The following CTNNA3 variants were observed in gnomAD, a reference collection of about 807,000 sequenced individuals.
CTNNA3 encodes catenin alpha-3.
Under a neutral mutation model 95.7 loss-of-function variants are expected in CTNNA3, and 76 were observed. The ratio of observed to expected loss-of-function variants is 0.79; its 90% CI spans 0.66 to 0.96. The LOEUF is 0.96. Among genes scored for constraint, CTNNA3 ranks in the 40% least tolerant of loss-of-function variants. The probability of loss-of-function intolerance (pLI) is 0.00; values close to 1 mark genes in which losing one functional copy is unlikely to be tolerated. For synonymous variants in CTNNA3, 431 were observed against 374.4 expected (o/e 1.15, Z -1.74); for missense variants, 1,191 against 1,089.8 (o/e 1.09, Z -1.31).
chr10:67,155,441 CA>C (rs1335952631), intron 7 of CTNNA3, among the ~76,000 whole-genome samples: 2 of 151,876 alleles, frequency 1.3e-5, no homozygotes, highest in African/African-American at 4.8e-5. Flanking sequence ...GTTAAGTTAT[CA>C]TTAATAATTA....
intron 7 of CTNNA3, among the ~76,000 whole-genome samples, chr10:66,831,414 C>G (rs975272244): frequency 1.3e-5 from 2 of 152,152 alleles, no homozygotes; most frequent in African/African-American, 4.8e-5. Context: ...TACGCTTGCT[C>G]TCTGTCTAGA....
Position 66,169,231 on chromosome 10 carries a change from T to G in CTNNA3, c.1885-65982A>C, listed in dbSNP as rs541605788. ...GTCTATTGTATCATTCTTATGCCTTTGCATCCTCAGAGCTTAGGTCCCACT... is the reference window on the plus strand; with the variant it reads ...GTCTATTGTATCATTCTTATGCCTTGGCATCCTCAGAGCTTAGGTCCCACT... On this transcript the variant is annotated intron_variant, in intron 13 of 17. Transcript: ENST00000433211. 2.0e-3 allele frequency among the ~76,000 whole-genome samples: 310 copies of G among 152,268 alleles called. 1 individual carries two copies. The highest frequency in any genetic ancestry group is 7.0e-3 in the African/African-American group (289 of 41,572).
intron 13 of CTNNA3, among the ~76,000 whole-genome samples, chr10:66,229,658 C>T (rs1173082909): frequency 6.6e-6 from 1 of 152,024 alleles, no homozygotes; most frequent in Non-Finnish European, 1.5e-5. Flanking sequence ...TTAGATTCTC[C>T]CCTTGTCTTT....
At chr10:67,319,461 T>C (rs977373967) in intron 5 of CTNNA3, among the ~76,000 whole-genome samples, 6 of 152,142 alleles carry the variant, frequency 3.9e-5, no homozygotes, top group Non-Finnish European at 7.4e-5. Context: ...AGGTGCTTGA[T>C]TAATATTTAT....
intron 1 of CTNNA3, among the ~76,000 whole-genome samples, chr10:67,714,699 G>T (rs1841132543): frequency 6.6e-6 from 1 of 152,156 alleles, no homozygotes; most frequent in Non-Finnish European, 1.5e-5. Flanking sequence ...GGGGCCAGGG[G>T]TGAAATAATA....
chr10:66,725,289 C>A (rs751885946), intron 9 of CTNNA3, among the ~76,000 whole-genome samples: 29 of 151,886 alleles, frequency 1.9e-4, no homozygotes, highest in Non-Finnish European at 3.5e-4. Context: ...ATCTAAAAAT[C>A]TGGAGAAAGA....
At chr10:67,504,391 G>A (rs181014600) in intron 5 of CTNNA3, among the ~76,000 whole-genome samples, 7 of 106,954 alleles carry the variant, frequency 6.5e-5, no homozygotes, top group African/African-American at 2.6e-4. Context: ...CACTGAAATC[G>A]CACCACTGCA....
chr10:66,934,111 G>A (rs183010239), intron 7 of CTNNA3, among the ~76,000 whole-genome samples: 4 of 152,038 alleles, frequency 2.6e-5, no homozygotes, highest in African/African-American at 4.8e-5. Context: ...GACCAAGCAA[G>A]TACAATGTAT....
chr10:66,535,349 AGATAAAT>A (rs1397710148), intron 10 of CTNNA3, among the ~76,000 whole-genome samples: 1 of 152,182 alleles, frequency 6.6e-6, no homozygotes, highest in Admixed American at 6.5e-5. Context: ...GCCGTGTAAG[AGATAAAT>A]ACGGCTATGG....
chr10:67,305,737 C>T (rs183307639), intron 5 of CTNNA3, among the ~76,000 whole-genome samples: 5 of 152,172 alleles, frequency 3.3e-5, no homozygotes, highest in East Asian at 3.9e-4. Context: ...AGGGAAGTAG[C>T]TTCATTTGAG....
chr10:67,624,517 A>G (rs1843961606), intron 2 of CTNNA3, among the ~76,000 whole-genome samples: 1 of 152,166 alleles, frequency 6.6e-6, no homozygotes, highest in African/African-American at 2.4e-5. Flanking sequence ...TCATTCTCCT[A>G]CTATTCCCCT....
chr10:66,570,549 G>A (rs1028834980), intron 10 of CTNNA3, among the ~76,000 whole-genome samples: 1 of 151,844 alleles, frequency 6.6e-6, no homozygotes, highest in Non-Finnish European at 1.5e-5. Flanking sequence ...GGCCTCCCAA[G>A]GTGCTGGGAT....
intron 2 of CTNNA3, among the ~76,000 whole-genome samples, chr10:67,610,187 T>A (rs1843413000): frequency 6.6e-6 from 1 of 152,244 alleles, no homozygotes; most frequent in Non-Finnish European, 1.5e-5. Flanking sequence ...GTTCAGATCC[T>A]CCATGCGCCA....
At chr10:66,252,588 T>C (rs112839724) in intron 13 of CTNNA3, among the ~76,000 whole-genome samples, 2,170 of 152,272 alleles carry the variant, frequency 0.014, 25 homozygotes, top group Non-Finnish European at 0.021. Flanking sequence ...GTATGTGGTG[T>C]TATGTGAATA....
intron 5 of CTNNA3, among the ~76,000 whole-genome samples, chr10:67,490,233 T>C (rs542482097): frequency 2.0e-5 from 3 of 152,344 alleles, no homozygotes; most frequent in South Asian, 4.1e-4. Flanking sequence ...ACAACAATTT[T>C]GGGAAACATC....
At chr10:67,458,012 G>A (rs1434651665) in intron 5 of CTNNA3, among the ~76,000 whole-genome samples, 1 of 152,094 alleles carries the variant, frequency 6.6e-6, no homozygotes, top group Admixed American at 6.6e-5. Flanking sequence ...AATCTTGGGG[G>A]TTGGGGGGTC....
chr10:66,414,086 G>A (rs1381684479), intron 11 of CTNNA3, among the ~76,000 whole-genome samples: 1 of 151,726 alleles, frequency 6.6e-6, no homozygotes, highest in African/African-American at 2.4e-5. Flanking sequence ...CTTCTTTTTT[G>A]TTTGTTTATT....
intron 13 of CTNNA3, among the ~76,000 whole-genome samples, chr10:66,122,299 G>C (rs2082617160): frequency 6.6e-6 from 1 of 151,942 alleles, no homozygotes; most frequent in African/African-American, 2.4e-5. Flanking sequence ...TTCCCAAATT[G>C]AAATGTGAAG....
chr10:66,236,116 CTGTAAA>C (rs2089842335), intron 13 of CTNNA3, among the ~76,000 whole-genome samples: 1 of 152,012 alleles, frequency 6.6e-6, no homozygotes, highest in Admixed American at 6.6e-5. Context: ...CCCTTAATAC[CTGTAAA>C]TTAGGAAAAG....
Sources: allele counts gnomAD v4.1 joint callset (sites outside exome capture counted in the v4.1 genomes callset), GRCh38; gene constraint gnomAD v4.1.1; transcripts MANE v1.5; gene names NCBI Gene and HGNC (gene_info 2026-07-23, HGNC 2026-07-21).